The following NAALADL2 variants were observed in gnomAD, a reference collection of about 807,000 sequenced individuals.
NAALADL2 encodes the protein inactive N-acetylated-alpha-linked acidic dipeptidase-like protein 2.
Under a neutral mutation model 87.2 loss-of-function variants are expected in NAALADL2, and 76 were observed. The observed-to-expected ratio is 0.87, with a 90% CI of 0.72 to 1.05. The LOEUF is 1.05. Ranked by LOEUF, NAALADL2 falls within the 50% of genes least tolerant of loss-of-function variation. The probability of loss-of-function intolerance (pLI) is 0.00; values close to 1 mark genes in which losing one functional copy is unlikely to be tolerated. For missense variants in NAALADL2, 1,089 were observed against 945.8 expected, an observed-to-expected ratio of 1.15 and a Z score of -1.99; for synonymous variants, 354 against 331.0, an observed-to-expected ratio of 1.07 and a Z score of -0.75.
chr3:175,541,733 T>G (rs1463671932), intron 9 of NAALADL2, among the ~76,000 whole-genome samples: 1 of 152,146 alleles, frequency 6.6e-6, no homozygotes, highest in Non-Finnish European at 1.5e-5. Context: ...CTTGTTTGTT[T>G]GTTTTTTGAG....
intron 2 of NAALADL2, among the ~76,000 whole-genome samples, chr3:175,114,746 A>C (rs1485860875): frequency 1.3e-5 from 2 of 151,634 alleles, no homozygotes; most frequent in Non-Finnish European, 3.0e-5. Flanking sequence ...TCTTAGAGTG[A>C]AAATTATGCC....
chr3:175,099,834 TCCA>T (rs1164141214), intron 2 of NAALADL2, among the ~76,000 whole-genome samples: 1 of 152,180 alleles, frequency 6.6e-6, no homozygotes, highest in African/African-American at 2.4e-5. Context: ...AACTTGTTTG[TCCA>T]CCATTAAAGT....
At chr3:175,354,545 A>G (rs967656627) in intron 5 of NAALADL2, among the ~76,000 whole-genome samples, 1 of 152,158 alleles carries the variant, frequency 6.6e-6, no homozygotes, top group Non-Finnish European at 1.5e-5. Flanking sequence ...TCTATCACAT[A>G]TACATTTTTT....
intron 2 of NAALADL2, among the ~76,000 whole-genome samples, chr3:175,197,690 C>T (rs1162402454): frequency 6.6e-6 from 1 of 151,954 alleles, no homozygotes; most frequent in Non-Finnish European, 1.5e-5. Context: ...TTCTTATCAA[C>T]ATCAGAAACA....
chr3:175,033,295 T>C (rs1489875081), intron 1 of NAALADL2, among the ~76,000 whole-genome samples: 1 of 152,062 alleles, frequency 6.6e-6, no homozygotes, highest in Non-Finnish European at 1.5e-5. Context: ...ATAAACTTCT[T>C]CTCTGACCGT....
At chr3:174,895,372 A>G (rs1388421364) in intron 1 of NAALADL2, among the ~76,000 whole-genome samples, 2 of 152,144 alleles carry the variant, frequency 1.3e-5, no homozygotes, top group African/African-American at 4.8e-5. Flanking sequence ...GTGGAAATTT[A>G]AAGGATCATT....
At chr3:174,850,203 G>A (rs887512905) in intron 3 of NAALADL2, among the ~76,000 whole-genome samples, 2 of 151,682 alleles carry the variant, frequency 1.3e-5, no homozygotes, top group African/African-American at 4.8e-5. Flanking sequence ...TTTTCCTTCA[G>A]CACTTTGAAT....
At chr3:174,528,938 TATC>T (rs919644711) in intron 1 of NAALADL2, among the ~76,000 whole-genome samples, 10 of 152,100 alleles carry the variant, frequency 6.6e-5, no homozygotes, top group African/African-American at 2.4e-4. Flanking sequence ...AGTCAAACCT[TATC>T]ATTCTGCCCC....
intron 5 of NAALADL2, among the ~76,000 whole-genome samples, chr3:175,324,567 A>G (rs1359962315): frequency 6.6e-6 from 1 of 152,240 alleles, no homozygotes; most frequent in Admixed American, 6.5e-5. Context: ...ATGAACAGAC[A>G]GAAATGTATT....
At chr3:175,500,967 T>C (rs1729467006) in intron 9 of NAALADL2, among the ~76,000 whole-genome samples, 1 of 152,086 alleles carries the variant, frequency 6.6e-6, no homozygotes, top group Admixed American at 6.6e-5. Flanking sequence ...AGAATGATAG[T>C]TCTGGGAATA....
At chr3:174,928,355 T>A (rs1736390424) in intron 1 of NAALADL2, among the ~76,000 whole-genome samples, 1 of 152,186 alleles carries the variant, frequency 6.6e-6, no homozygotes, top group Non-Finnish European at 1.5e-5. Context: ...TTCTTCTGCC[T>A]CATCCTCTCG....
intron 10 of NAALADL2, among the ~76,000 whole-genome samples, chr3:175,625,680 C>T (rs1043092045): frequency 2.6e-5 from 4 of 151,934 alleles, no homozygotes; most frequent in Non-Finnish European, 4.4e-5. Context: ...ATGAAAGTGT[C>T]GGCCGTAGCC....
chr3:175,790,647 C>T (rs552931164), intron 13 of NAALADL2, among the ~76,000 whole-genome samples: 1 of 152,186 alleles, frequency 6.6e-6, no homozygotes, highest in East Asian at 1.9e-4. Flanking sequence ...GAAATAGGCA[C>T]TTGCAATGCA....
intron 2 of NAALADL2, among the ~76,000 whole-genome samples, chr3:175,129,494 G>C (rs1342718550): frequency 6.6e-6 from 1 of 152,072 alleles, no homozygotes; most frequent in Non-Finnish European, 1.5e-5. Flanking sequence ...TCCAGTCCTT[G>C]GCAATGACCA....
At chr3:175,525,861 G>C (rs1733334566) in intron 9 of NAALADL2, among the ~76,000 whole-genome samples, 1 of 152,004 alleles carries the variant, frequency 6.6e-6, no homozygotes, top group South Asian at 2.1e-4. Context: ...GCAATGACCT[G>C]GTCATTATTA....
chr3:175,095,571 A>C (rs149971646), intron 1 of NAALADL2, among the ~76,000 whole-genome samples: 1 of 152,112 alleles, frequency 6.6e-6, no homozygotes, highest in African/African-American at 2.4e-5. Context: ...TTAAAAATTT[A>C]GGAAATTTTA....
At chr3:174,745,638 C>T (rs2109021690) in intron 3 of NAALADL2, among the ~76,000 whole-genome samples, 1 of 151,948 alleles carries the variant, frequency 6.6e-6, no homozygotes, top group Non-Finnish European at 1.5e-5. Context: ...ACAACGACAA[C>T]AAAAAGAAAA....
chr3:175,742,206 TG>T (rs1745317111), intron 12 of NAALADL2, among the ~76,000 whole-genome samples: 1 of 152,164 alleles, frequency 6.6e-6, no homozygotes, highest in Non-Finnish European at 1.5e-5. Flanking sequence ...CAGGGAGGTA[TG>T]TAGCTTGTTT....
chr3:175,526,648 G>A (rs571821959), intron 9 of NAALADL2, among the ~76,000 whole-genome samples: 1 of 152,120 alleles, frequency 6.6e-6, no homozygotes, highest in African/African-American at 2.4e-5. Flanking sequence ...GAGGTGAGGT[G>A]GGGGGTGGGA....
Sources: allele counts gnomAD v4.1 joint callset (sites outside exome capture counted in the v4.1 genomes callset), GRCh38; gene constraint gnomAD v4.1.1; transcripts MANE v1.5; gene names NCBI Gene and HGNC (gene_info 2026-07-23, HGNC 2026-07-21).